The following PARP4 variants were observed in gnomAD, a reference collection of about 807,000 sequenced individuals.
PARP4 encodes the protein poly(ADP-ribose) polymerase family member 4.
A neutral mutation model predicts 187.7 loss-of-function variants in PARP4; 120 were observed. The observed-to-expected ratio is 0.64, with a 90% CI of 0.55 to 0.74. PARP4 has a LOEUF of 0.74. Among genes scored for constraint, PARP4 ranks in the 30% least tolerant of loss-of-function variants. The pLI, the probability that PARP4 is intolerant of heterozygous loss-of-function variation, is 0.00. For missense variants in PARP4, 1,836 were observed against 2,070.5 expected, an observed-to-expected ratio of 0.89 and a Z score of 2.20; for synonymous variants, 654 against 740.9, an observed-to-expected ratio of 0.88 and a Z score of 1.90.
intron 30 of PARP4, among the ~76,000 whole-genome samples, chr13:24,439,775 A>AT (rs964961862): frequency 3.4e-4 from 52 of 151,978 alleles, no homozygotes; most frequent in African/African-American, 1.2e-3. Flanking sequence ...GTACATCAGA[A>AT]TTTTTTTTTC....
intron 7 of PARP4, 93 bp from the exon 8 acceptor site, chr13:24,493,826 A>C: frequency 8.0e-7 from 1 of 1,255,650 alleles, no homozygotes; most frequent in Non-Finnish European, 1.1e-6. Flanking sequence ...TGTGAGGAGA[A>C]ATAATTGATT....
rs1873537729 is a variant in PARP4 at position 24,486,150 on chromosome 13, AAAGATGGCTACTCTTACCGACAC to A, written c.1347_1352+17del. The A allele has an allele frequency of 1.9e-6, 3 of 1,581,392 alleles. No homozygotes were observed. Among genetic ancestry groups the A allele is most frequent in the Non-Finnish European group, 2.6e-6 (3 of 1,166,666 alleles). ...TGTGAGCCTGAAATTTTTGAAAAAT[AAAGATGGCTACTCTTACCGACAC>A]AAGATTCCCACGATGTTTTGTACAG... On this transcript the variant is annotated splice_donor_variant and splice_donor_5th_base_variant and coding_sequence_variant and intron_variant, in exon 11 of 34. Transcript: ENST00000381989. LOFTEE classifies it high-confidence loss of function.
At chr13:24,469,831 T>G in intron 16 of PARP4, 63 bp downstream of exon 16, 1 of 1,571,492 alleles carries the variant, frequency 6.4e-7, no homozygotes, top group Middle Eastern at 1.8e-4. Context: ...AAAACAAAGG[T>G]TCTGGGAAAT....
chr13:24,510,474 A>G lies in PARP4; in HGVS notation c.-2+2232T>C, dbSNP rs1372668998. ...GAGGCTGAGGCAGGGGAATGGCGTG[A>G]ACCCGGGAGGCGGAGCTTGCAGTGA... On this transcript the variant is annotated intron_variant, in intron 1 of 33. Transcript: ENST00000381989. 4.9e-5 allele frequency among the ~76,000 whole-genome samples: 7 copies of G among 143,216 alleles called. No individual in the cohort carries two copies. In the East Asian group the frequency reaches 1.6e-3, roughly 32 times the overall value. The allele number at this position is 143,216 out of a possible 152,430, so 94.0% of individuals were successfully genotyped here. A position where few individuals can be genotyped will look rare whatever the true frequency, so the allele number is the denominator to read the frequency against.
intron 15 of PARP4, 27 bp downstream of exon 15, chr13:24,475,445 A>C (rs1305779085): frequency 6.3e-7 from 1 of 1,599,870 alleles, no homozygotes; most frequent in African/African-American, 1.3e-5. Flanking sequence ...ATGTAGTTTA[A>C]GTGTCATAAA....
intron 18 of PARP4, 172 bp from the exon 19 acceptor site, chr13:24,459,482 C>A: frequency 1.8e-6 from 1 of 543,460 alleles, no homozygotes; most frequent in Non-Finnish European, 3.2e-6. Flanking sequence ...TTCTAAAATA[C>A]AACTCACCAT....
chr13:24,493,759 C>G, intron 7 of PARP4, 26 bp from the exon 8 acceptor site: 1 of 1,610,770 alleles, frequency 6.2e-7, no homozygotes, highest in Non-Finnish European at 8.5e-7. Flanking sequence ...AGAAATGCCA[C>G]CAAAAAGTCA....
At chr13:24,429,853 C>G (rs1870246736) in intron 32 of PARP4, among the ~76,000 whole-genome samples, 1 of 152,182 alleles carries the variant, frequency 6.6e-6, no homozygotes, top group African/African-American at 2.4e-5. Context: ...TCCTTAACTT[C>G]CAGCCACTTT....
At chr13:24,436,636 A>G (rs1276568621) in intron 30 of PARP4, among the ~76,000 whole-genome samples, 1 of 152,226 alleles carries the variant, frequency 6.6e-6, no homozygotes, top group African/African-American at 2.4e-5. Flanking sequence ...AAATGAACAT[A>G]TAATTATACT....
intron 25 of PARP4, 89 bp from the exon 26 acceptor site, chr13:24,447,275 T>A: frequency 1.2e-6 from 1 of 856,534 alleles, no homozygotes; most frequent in East Asian, 3.5e-5. Flanking sequence ...CATTCTATCC[T>A]TTGGGAATTT....
At position 24,475,464 on chromosome 13, in the gene PARP4, C is replaced by A. The variant is rs370132349; in HGVS notation, c.1914+8G>T. The A allele has an allele frequency of 2.2e-5, 35 of 1,612,694 alleles. No individual in the cohort carries two copies. The highest frequency in any genetic ancestry group is 3.0e-5 in the Non-Finnish European group (35 of 1,178,938). Reference sequence around the variant, plus strand: ...AGTTTAAGTGTCATAAAGCCACAGACAACATACCTGGGCTACAGTGTCTAT... The same window carrying A: ...AGTTTAAGTGTCATAAAGCCACAGAAAACATACCTGGGCTACAGTGTCTAT... On this transcript the variant is annotated splice_region_variant and intron_variant, in intron 15 of 33. Transcript: ENST00000381989.
intron 21 of PARP4, 104 bp downstream of exon 21, chr13:24,456,237 T>C (rs969475005): frequency 3.8e-5 from 33 of 865,016 alleles, no homozygotes; most frequent in Non-Finnish European, 5.2e-5. Flanking sequence ...GTTCATTTTG[T>C]AATGCTAGTT....
rs141864498 is a variant in PARP4 at position 24,435,308 on chromosome 13, C to T, written c.3833G>A (p.Arg1278His). ...VLPAFTSNLE[R>H]GGVEKLLDLS... ...ATCCAATAGCTTTTCCACACCTCCA[C>T]GTTCCAAATTTGATGTGAAAGCTGG... Residue 1278 changes from arginine (R) to histidine (H), a missense_variant, in exon 31 of 34, where the codon CGT becomes CAT. Coordinates refer to ENST00000381989, the MANE Select transcript of PARP4 (RefSeq NM_006437.4). 1.5e-4 allele frequency: 240 copies of T among 1,612,654 alleles called. No homozygotes were observed. The African/African-American group carries it at 2.6e-3, about 17-fold the overall frequency.
At chr13:24,462,194 G>T (rs529343093) in intron 17 of PARP4, among the ~76,000 whole-genome samples, 1 of 152,304 alleles carries the variant, frequency 6.6e-6, no homozygotes, top group African/African-American at 2.4e-5. Flanking sequence ...TAGCACTGCG[G>T]GAGGGGAAGA....
At chr13:24,440,122 G>A (rs535543355) in intron 30 of PARP4, among the ~76,000 whole-genome samples, 4 of 152,186 alleles carry the variant, frequency 2.6e-5, no homozygotes, top group Non-Finnish European at 5.9e-5. Context: ...CTGTAAGAAA[G>A]CAAGGCTGGG....
At chr13:24,479,757 C>G (rs1201595696) in intron 12 of PARP4, among the ~76,000 whole-genome samples, 3 of 152,160 alleles carry the variant, frequency 2.0e-5, no homozygotes, top group Admixed American at 2.0e-4. Flanking sequence ...GCAGGCTGCC[C>G]CAGCCAGCAG....
chr13:24,462,509 T>C (rs730030), intron 17 of PARP4, among the ~76,000 whole-genome samples: 77,368 of 151,992 alleles, frequency 0.51, 20,017 homozygotes, highest in South Asian at 0.65. Flanking sequence ...GTCCAACATT[T>C]AATCACAAAT....
At chr13:24,461,317 A>G (rs1171216078) in intron 17 of PARP4, among the ~76,000 whole-genome samples, 1 of 152,234 alleles carries the variant, frequency 6.6e-6, no homozygotes, top group Non-Finnish European at 1.5e-5. Flanking sequence ...ATGTATGTAT[A>G]AACACCTGGG....
chr13:24,434,592 CAA>C lies in PARP4; in HGVS notation c.4547_4548del (p.Phe1516CysfsTer6), dbSNP rs756031292. On this transcript the variant is annotated frameshift_variant, in exon 31 of 34. Coordinates refer to ENST00000381989, the MANE Select transcript of PARP4 (RefSeq NM_006437.4). LOFTEE classifies it high-confidence loss of function. ...GSLEGSRCPVFAFQSSDTESD... is the reference protein window; with the variant it reads ...GSLEGSRCPVXAFQSSDTESD... ...CTTTCTGTGTCAGAACTTTGAAAAG[CAA>C]AGACAGGACATCGACTTCCTTCGAG... The C allele has an allele frequency of 1.2e-5, 20 of 1,612,336 alleles. No individual in the cohort carries two copies. The highest frequency in any genetic ancestry group is 8.5e-7 in the Non-Finnish European group (1 of 1,178,748).
Sources: gnomAD v4.1 joint callset for allele counts (sites outside exome capture counted in the v4.1 genomes callset) on GRCh38, gnomAD v4.1.1 for gene constraint, MANE v1.5 for transcripts, NCBI Gene and HGNC (gene_info 2026-07-23, HGNC 2026-07-21) for gene names.